CECR2: variants seen among roughly 807,000 people sequenced by gnomAD.
CECR2 encodes chromatin remodeling regulator CECR2.
Under a neutral mutation model 154.5 loss-of-function variants are expected in CECR2, and 30 were observed. That is an observed-to-expected ratio of 0.19 (90% CI 0.15 to 0.26). The LOEUF (loss-of-function observed/expected upper bound fraction) is 0.26. Ranked by LOEUF, CECR2 falls within the 10% of genes least tolerant of loss-of-function variation. The pLI is 1.00. For missense variants in CECR2, 1,743 were observed against 1,829.3 expected (o/e 0.95, Z 0.86); for synonymous variants, 725 against 683.7 (o/e 1.06, Z -0.94).
chr22:17,462,926 A>G (rs1473859651), intron 1 of CECR2, among the ~76,000 whole-genome samples: 1 of 152,210 alleles, frequency 6.6e-6, no homozygotes, highest in Non-Finnish European at 1.5e-5. Flanking sequence ...AAATTTATTA[A>G]ATACTCACTG....
intron 1 of CECR2, among the ~76,000 whole-genome samples, chr22:17,370,492 C>T (rs1231202821): frequency 2.0e-5 from 3 of 152,008 alleles, no homozygotes; most frequent in Admixed American, 6.5e-5. Context: ...GGCCTGGGCG[C>T]GGGGCTCTGG....
At chr22:17,515,760 C>T (rs5747213) in intron 8 of CECR2, among the ~76,000 whole-genome samples, 26,166 of 151,538 alleles carry the variant, frequency 0.17, 2,757 homozygotes, top group East Asian at 0.46. Flanking sequence ...ACTGCAAGCT[C>T]CACCTCCCAG....
At chr22:17,400,462 GCACACCTGC>G (rs1174325829) in intron 1 of CECR2, among the ~76,000 whole-genome samples, 1 of 152,134 alleles carries the variant, frequency 6.6e-6, no homozygotes, top group Non-Finnish European at 1.5e-5. Flanking sequence ...GAGAAGCTAG[GCACACCTGC>G]CAACTCTCTT....
intron 2 of CECR2, among the ~76,000 whole-genome samples, chr22:17,491,769 G>A (rs2055536728): frequency 6.6e-6 from 1 of 150,922 alleles, no homozygotes; most frequent in African/African-American, 2.4e-5. Flanking sequence ...GATACATTTG[G>A]GGTTTATTCA....
At chr22:17,400,703 T>C (rs949336158) in intron 1 of CECR2, among the ~76,000 whole-genome samples, 16 of 152,174 alleles carry the variant, frequency 1.1e-4, no homozygotes, top group African/African-American at 3.6e-4. Flanking sequence ...ATCCAGGTAA[T>C]TGGGATCTCA....
At chr22:17,550,757 A>G (rs1466163840) in intron 17 of CECR2, among the ~76,000 whole-genome samples, 3 of 152,180 alleles carry the variant, frequency 2.0e-5, no homozygotes, top group African/African-American at 7.2e-5. Flanking sequence ...CCTGGCTAAC[A>G]CGGTGAAACC....
chr22:17,403,263 A>AT (rs1200289453), intron 1 of CECR2, among the ~76,000 whole-genome samples: 1 of 148,020 alleles, frequency 6.8e-6, no homozygotes, highest in Non-Finnish European at 1.5e-5. Flanking sequence ...ACATGTCCTC[A>AT]TTTTTTTCTT....
At chr22:17,421,871 C>T (rs1601330210) in intron 1 of CECR2, among the ~76,000 whole-genome samples, 1 of 140,906 alleles carries the variant, frequency 7.1e-6, no homozygotes, top group African/African-American at 2.6e-5. Flanking sequence ...ACAAAAAAAA[C>T]TTTTTTTTTT....
intron 1 of CECR2, among the ~76,000 whole-genome samples, chr22:17,465,923 G>C (rs1302415891): frequency 6.6e-6 from 1 of 152,176 alleles, no homozygotes; most frequent in African/African-American, 2.4e-5. Flanking sequence ...CCTGCCTAAA[G>C]TGATTTTAAT....
At chr22:17,399,649 C>T (rs1410595544) in intron 1 of CECR2, among the ~76,000 whole-genome samples, 1 of 152,104 alleles carries the variant, frequency 6.6e-6, no homozygotes, top group South Asian at 2.1e-4. Context: ...ATCTCATGAT[C>T]TGCCTGCCTT....
Position 17,413,232 on chromosome 22 carries a change from G to C in CECR2, c.126+43323G>C, listed in dbSNP as rs2054093242. 2.0e-5 allele frequency among the ~76,000 whole-genome samples: 3 copies of C among 152,332 alleles called. 1 individual carries two copies. The highest frequency in any genetic ancestry group is 4.1e-4 in the South Asian group (2 of 4,830). On this transcript the variant is annotated intron_variant, in intron 1 of 18. Transcript: ENST00000262608. Reference sequence around the variant, plus strand: ...GAAAACACAGAGGAGAACAAAGAGAGCAGGTTGATGGTTCTAACCTTGGAG... The same window carrying C: ...GAAAACACAGAGGAGAACAAAGAGACCAGGTTGATGGTTCTAACCTTGGAG...
At chr22:17,437,180 T>C (rs1305072661) in intron 1 of CECR2, among the ~76,000 whole-genome samples, 1 of 152,144 alleles carries the variant, frequency 6.6e-6, no homozygotes, top group African/African-American at 2.4e-5. Context: ...CTGTCTGCGG[T>C]TCTGCCTTCC....
intron 8 of CECR2, among the ~76,000 whole-genome samples, chr22:17,513,270 C>T (rs1012746480): frequency 1.1e-4 from 17 of 152,224 alleles, no homozygotes; most frequent in African/African-American, 4.1e-4. Context: ...CCTTTGGGCA[C>T]TCTTTCATCG....
At chr22:17,516,177 C>T (rs766564485) in intron 8 of CECR2, among the ~76,000 whole-genome samples, 1 of 151,904 alleles carries the variant, frequency 6.6e-6, no homozygotes, top group Non-Finnish European at 1.5e-5. Context: ...AGGAGAGGGA[C>T]AGATAACCAG....
intron 9 of CECR2, among the ~76,000 whole-genome samples, chr22:17,525,285 CCAAAAAAAAAAAAAAAAAAAAAA>C (rs2056241733): frequency 6.2e-5 from 2 of 32,322 alleles, no homozygotes; most frequent in Non-Finnish European, 1.0e-4. Context: ...AACTCCATCT[CCAAAAAAAAAAAAAAAAAAAAAA>C]AAAAAAAGAA....
intron 1 of CECR2, among the ~76,000 whole-genome samples, chr22:17,384,694 G>C (rs975509467): frequency 6.6e-6 from 1 of 152,194 alleles, no homozygotes. Context: ...CATTAGCACA[G>C]TTTTCAAGGG....
chr22:17,364,267 T>C (rs915709725), intron 1 of CECR2, among the ~76,000 whole-genome samples: 8 of 133,662 alleles, frequency 6.0e-5, no homozygotes, highest in Admixed American at 3.5e-4. Flanking sequence ...GGCGTGAACC[T>C]GGGAGGCGGA....
At position 17,409,363 on chromosome 22, in the gene CECR2, C is replaced by T. The variant is rs913410325; in HGVS notation, c.126+39454C>T. ...GGCCAGGATGGTCTCAGTCTCTTGA[C>T]CTCGTGATCTGCCTGCCTCCCACCA... On this transcript the variant is annotated intron_variant, in intron 1 of 18. Transcript: ENST00000262608. Among the ~76,000 whole-genome samples the T allele has an allele frequency of 7.2e-5, 8 of 110,752 alleles. 4 individuals carry two copies. The highest frequency in any genetic ancestry group is 1.2e-4 in the African/African-American group (4 of 33,312). 72.7% of individuals were successfully genotyped at this position (110,752 alleles called of 152,430 possible).
At chr22:17,480,782 A>C (rs1297864485) in intron 2 of CECR2, among the ~76,000 whole-genome samples, 1 of 151,932 alleles carries the variant, frequency 6.6e-6, no homozygotes, top group African/African-American at 2.4e-5. Flanking sequence ...GCTCATGCCT[A>C]TAATCTCAGC....
Sources: gnomAD v4.1 joint callset for allele counts (sites outside exome capture counted in the v4.1 genomes callset) on GRCh38, gnomAD v4.1.1 for gene constraint, MANE v1.5 for transcripts, NCBI Gene and HGNC (gene_info 2026-07-23, HGNC 2026-07-21) for gene names.